TEX38: variants seen among roughly 807,000 people sequenced by gnomAD.
TEX38 encodes the protein testis expressed 38.
In TEX38, 5 loss-of-function variants were observed where a neutral mutation model predicts 2.7. The ratio of observed to expected loss-of-function variants is 1.86; its 90% CI spans 0.97 to 3.90. The LOEUF (loss-of-function observed/expected upper bound fraction) is 3.90, where lower values mean the gene tolerates loss of function less well. Ranked by LOEUF, TEX38 falls within the 30% of genes most tolerant of loss-of-function variation. The pLI is 0.00. For missense variants in TEX38, 218 were observed against 247.9 expected (o/e 0.88, Z 0.81); for synonymous variants, 110 against 103.3 (o/e 1.06, Z -0.39).
chr1:46,671,869 C>T lies in TEX38; in HGVS notation c.-66C>T. 1 of 1,514,050 alleles carries T rather than the reference C, an allele frequency of 6.6e-7. No homozygotes were observed. Among genetic ancestry groups the T allele is most frequent in the Non-Finnish European group, 9.0e-7 (1 of 1,112,758 alleles). The allele number at this position is 1,514,050 out of a possible 1,614,324, so 93.8% of individuals were successfully genotyped here. A position where few individuals can be genotyped will look rare whatever the true frequency, so the allele number is the denominator to read the frequency against. On this transcript the variant is annotated 5_prime_UTR_variant, in exon 1 of 2. Transcript: ENST00000334122. The stretch of plus-strand genomic sequence containing the variant: ...TTGGCTGGGCAGATGGGCTGACTGG[C>T]TGGGCAGATGGGTGGGTGAGTTCCC...
At position 46,673,109 on chromosome 1, in the gene TEX38, A is replaced by G. The variant is rs1328279259; in HGVS notation, c.274A>G (p.Thr92Ala). The G allele has an allele frequency of 6.4e-7, 1 of 1,551,744 alleles. No homozygotes were observed. Among genetic ancestry groups the G allele is most frequent in the South Asian group, 1.2e-5 (1 of 84,052 alleles). Residue 92 changes from threonine (T) to alanine (A), a missense_variant, in exon 2 of 2, where the codon ACT becomes GCT. Transcript: ENST00000334122. ...NTGPAPAVTK[T>A]ETEVQNPDVL... ...GGGCCCTGCCCCTGCTGTCACCAAGACTGAGACTGAGGTCCAGAATCCAGA... is the reference window on the plus strand; with the variant it reads ...GGGCCCTGCCCCTGCTGTCACCAAGGCTGAGACTGAGGTCCAGAATCCAGA...
Position 46,673,530 on chromosome 1 carries a change from G to T in TEX38, c.*74G>T. ...AAATGGAACTAACCTCAGGAAGGTG[G>T]TATTGACAGAGGTCAGGACCCACCT... On this transcript the variant is annotated 3_prime_UTR_variant, in exon 2 of 2. Transcript: ENST00000334122. 1 of 1,343,490 alleles carries T rather than the reference G, an allele frequency of 7.4e-7. No homozygotes were observed. The highest frequency in any genetic ancestry group is 1.5e-5 in the South Asian group (1 of 68,316). 83.2% of individuals were successfully genotyped at this position (1,343,490 alleles called of 1,614,324 possible).
chr1:46,672,791 G>C (rs1260275604), intron 1 of TEX38, 82 bp from the exon 2 acceptor site: 4 of 1,278,724 alleles, frequency 3.1e-6, no homozygotes, highest in Non-Finnish European at 4.3e-6. Flanking sequence ...CATGGGTTAA[G>C]TGAAAGAGGA....
chr1:46,670,949 C>T (rs1676573070), upstream of TEX38, among the ~76,000 whole-genome samples: 2 of 152,136 alleles, frequency 1.3e-5, no homozygotes, highest in South Asian at 4.1e-4. Context: ...AAGTTCCTGA[C>T]TCAAGTGAGT....
At chr1:46,671,664 G>C (rs1313294143), upstream of TEX38, 2 of 476,312 alleles carry the variant, frequency 4.2e-6, no homozygotes, top group African/African-American at 3.9e-5. Flanking sequence ...TTCAATAGGT[G>C]AACCAGTCTC....
upstream of TEX38, chr1:46,669,371 T>C (rs541760397): frequency 2.2e-6 from 1 of 455,938 alleles, no homozygotes; most frequent in African/African-American, 2.0e-5. Context: ...GATGAATAAG[T>C]CCTTCAAGTA....
chr1:46,673,194 C>T lies in TEX38; in HGVS notation c.359C>T (p.Pro120Leu), dbSNP rs1320764439. The T allele has an allele frequency of 5.8e-6, 9 of 1,551,098 alleles. No homozygotes were observed. In the East Asian group the frequency reaches 7.3e-5, roughly 13 times the overall value. Residue 120 changes from proline (P) to leucine (L), a missense_variant, in exon 2 of 2, where the codon CCC becomes CTC. By Grantham distance (98) the Pro-to-Leu change is moderately conservative (BLOSUM62 -3). Coordinates refer to ENST00000334122, the MANE Select transcript of TEX38 (RefSeq NM_001145474.4). ...AGCCATGCTGACCAAGACAGCAACC[C>T]CAAGGCGGAAGCCCCTGCTCCCCTG... ...GRSHADQDSN[P>L]KAEAPAPLQP...
upstream of TEX38, chr1:46,671,746 G>A (rs778652110): frequency 4.7e-6 from 3 of 640,548 alleles, no homozygotes; most frequent in Non-Finnish European, 5.6e-6. Context: ...ATTAACCCAG[G>A]ACCACTTCAC....
At chr1:46,669,742 A>C (rs1676555977), upstream of TEX38, among the ~76,000 whole-genome samples, 1 of 152,124 alleles carries the variant, frequency 6.6e-6, no homozygotes, top group Admixed American at 6.5e-5. Context: ...ACCTGAAGGT[A>C]ATGTGGGAAT....
rs1460862322 is a variant in TEX38 at position 46,671,914 on chromosome 1, C to T, written c.-21C>T. On this transcript the variant is annotated 5_prime_UTR_variant, in exon 1 of 2. Coordinates refer to ENST00000334122, the MANE Select transcript of TEX38 (RefSeq NM_001145474.4). ...GTTCCCTCTCCCCAGAGCCATCGGC[C>T]AGGTACCAAAGCTCAGCTGTATGGA... 1 of 1,551,222 alleles carries T rather than the reference C, an allele frequency of 6.4e-7. No homozygotes were observed. The highest frequency in any genetic ancestry group is 1.2e-5 in the South Asian group (1 of 83,992).
upstream of TEX38, among the ~76,000 whole-genome samples, chr1:46,671,313 T>C (rs928907108): frequency 6.6e-6 from 1 of 152,110 alleles, no homozygotes; most frequent in Non-Finnish European, 1.5e-5. Flanking sequence ...TGGAAGTAGA[T>C]GCAGGCCAGA....
chr1:46,668,982 C>T (rs895753763), upstream of TEX38: 1 of 156,528 alleles, frequency 6.4e-6, no homozygotes, highest in African/African-American at 2.4e-5. The surrounding 1 kb of genome is among the most constrained non-coding windows in gnomAD (Gnocchi z 4.4). Flanking sequence ...CCACAGTGAC[C>T]TATTCTCTCC....
chr1:46,673,120 G>A lies in TEX38; in HGVS notation c.285G>A (p.Glu95=), dbSNP rs1443457626. The change falls in exon 2 of 2, where the codon GAG becomes GAA. Residue 95 remains glutamate (E), a synonymous_variant. Transcript: ENST00000334122. The part of the protein sequence containing the change: ...PAPAVTKTET[E]VQNPDVLWDL... The stretch of plus-strand genomic sequence containing the variant: ...CTGCTGTCACCAAGACTGAGACTGA[G>A]GTCCAGAATCCAGATGTTCTGTGGG... The A allele has an allele frequency of 6.4e-7, 1 of 1,551,714 alleles. No individual in the cohort carries two copies. The highest frequency in any genetic ancestry group is 1.2e-5 in the South Asian group (1 of 84,058).
Position 46,671,982 on chromosome 1 carries a change from C to T in TEX38, c.37+11C>T, listed in dbSNP as rs1676590626. On this transcript the variant is annotated intron_variant, in intron 1 of 1. Transcript: ENST00000334122. ...TGCGCTTCCCTGGGAGTAAGTGCTC[C>T]TCCAGTCCCTGTCACTGGACTTGTG... The T allele has an allele frequency of 6.6e-7, 1 of 1,524,100 alleles. No individual in the cohort carries two copies. Among genetic ancestry groups the T allele is most frequent in the South Asian group, 1.3e-5 (1 of 79,236 alleles). 94.4% of individuals were successfully genotyped at this position (1,524,100 alleles called of 1,614,324 possible).
At chr1:46,672,128 T>C (rs1302098725) in intron 1 of TEX38, among the ~76,000 whole-genome samples, 157 bp downstream of exon 1, 1 of 152,190 alleles carries the variant, frequency 6.6e-6, no homozygotes, top group Non-Finnish European at 1.5e-5. Context: ...TAAGAATTAT[T>C]TTAAGGCAAA....
Position 46,673,282 on chromosome 1 carries a change from C to T in TEX38, c.447C>T (p.Ile149=). 6.4e-7 allele frequency: 1 copy of T among 1,551,726 alleles called. No individual in the cohort carries two copies. The highest frequency in any genetic ancestry group is 1.2e-5 in the South Asian group (1 of 84,030). Residue 149 remains isoleucine (I), a synonymous_variant, in exon 2 of 2, where the codon ATC becomes ATT. Transcript: ENST00000334122. ...PQARSPFPLP[I]FQEVPFAPPL... ...CCAGATCCCCATTCCCACTTCCCAT[C>T]TTTCAGGAGGTGCCCTTTGCCCCAC...
In TEX38 at chr1:46,673,375, G is replaced by GA. The variant is rs1157194553; in HGVS notation, c.542dup (p.Asn181LysfsTer16). 4 of 1,551,878 alleles carry GA rather than the reference G, an allele frequency of 2.6e-6. No homozygotes were observed. The Admixed American group carries it at 7.8e-5, about 30-fold the overall frequency. ...ATCCTTTGGCCACCTGTCCTGAAAG[G>GA]AATGTTCTCTTCCATTCCCTCCTGA... On this transcript the variant is annotated frameshift_variant, in exon 2 of 2. Coordinates refer to ENST00000334122, the MANE Select transcript of TEX38 (RefSeq NM_001145474.4). LOFTEE classifies it high-confidence loss of function.
upstream of TEX38, among the ~76,000 whole-genome samples, chr1:46,670,379 G>T (rs918756814): frequency 3.3e-5 from 5 of 152,166 alleles, no homozygotes; most frequent in Non-Finnish European, 4.4e-5. Context: ...AGAGGAGGAA[G>T]GCTGTAGGTA....
Position 46,672,945 on chromosome 1 carries a change from A to G in TEX38, c.110A>G (p.His37Arg), listed in dbSNP as rs1336616105. ...ACTGGAGGGTGCATTATCTTTCTGC[A>G]CTGGAGGAAGAACTTGAGGCGGGAA... ...VITGGCIIFL[H>R]WRKNLRREEH... The change falls in exon 2 of 2, where the codon CAC becomes CGC. Residue 37 changes from histidine to arginine, a missense_variant. Coordinates refer to ENST00000334122, the MANE Select transcript of TEX38 (RefSeq NM_001145474.4). The G allele has an allele frequency of 6.4e-7, 1 of 1,551,574 alleles. No individual in the cohort carries two copies.
Sources: allele counts gnomAD v4.1 joint callset (sites outside exome capture counted in the v4.1 genomes callset), GRCh38; gene constraint gnomAD v4.1.1; non-coding constraint Gnocchi (gnomAD v3.1); transcripts MANE v1.5; gene names NCBI Gene and HGNC (gene_info 2026-07-23, HGNC 2026-07-21).